Variants in ITSN2 observed in about 807,000 individuals in gnomAD.
ITSN2 encodes intersectin 2, also known as intersectin-2.
In ITSN2, 156 loss-of-function variants were observed where a neutral mutation model predicts 243.7. The ratio of observed to expected loss-of-function variants is 0.64; its 90% confidence interval spans 0.56 to 0.73. The LOEUF is 0.73. ITSN2 is among the 30% of genes least tolerant of loss of function. The pLI is 0.00. For missense variants in ITSN2, 1,801 were observed against 1,996.1 expected (o/e 0.90, Z 1.86); for synonymous variants, 703 against 699.9 (o/e 1.00, Z -0.07).
rs7602882 is a variant in ITSN2 at position 24,278,996 on chromosome 2, G to A, written c.1945-3147C>T. ...CAGAATGATAGATTATCTCTTTTACGTTAAGGAACTTCTATTACTAGTTTG... is the reference window on the plus strand; with the variant it reads ...CAGAATGATAGATTATCTCTTTTACATTAAGGAACTTCTATTACTAGTTTG... On this transcript the variant is annotated intron_variant, in intron 17 of 39. Transcript: ENST00000355123. Among the ~76,000 whole-genome samples the A allele has an allele frequency of 8.5e-4, 129 of 152,148 alleles. 1 individual carries two copies. The highest frequency in any genetic ancestry group is 2.5e-3 in the African/African-American group (104 of 41,520).
intron 4 of ITSN2, among the ~76,000 whole-genome samples, 197 bp downstream of exon 4, chr2:24,313,263 T>C (rs536632522): frequency 7.9e-5 from 12 of 151,894 alleles, no homozygotes; most frequent in Non-Finnish European, 1.8e-4. Context: ...TTTTTTTTAA[T>C]TTTCTGTAGA....
chr2:24,342,168 G>A lies in ITSN2; in HGVS notation c.-33-14053C>T, dbSNP rs541719848. ...AAGCAGAAGAAAGAGCGATTGAGAAGGTACAGATTTTCTTCTACCATTTTT... is the reference window on the plus strand; with the variant it reads ...AAGCAGAAGAAAGAGCGATTGAGAAAGTACAGATTTTCTTCTACCATTTTT... On this transcript the variant is annotated intron_variant, in intron 1 of 39. Coordinates refer to ENST00000355123, the MANE Select transcript of ITSN2 (RefSeq NM_006277.3). 4.6e-5 allele frequency among the ~76,000 whole-genome samples: 7 copies of A among 151,996 alleles called. No individual in the cohort carries two copies. In the East Asian group the frequency reaches 1.4e-3, roughly 29 times the overall value.
chr2:24,210,390 T>C (rs1013305357), intron 34 of ITSN2: 2 of 290,518 alleles, frequency 6.9e-6, no homozygotes, highest in East Asian at 7.5e-5. Context: ...GGCGGGAGGA[T>C]CACTTGACGC....
chr2:24,264,593 AT>A (rs1414923844), intron 20 of ITSN2, among the ~76,000 whole-genome samples: 3 of 52,618 alleles, frequency 5.7e-5, no homozygotes, highest in African/African-American at 1.9e-4. Flanking sequence ...ATTGAAATTC[AT>A]TTTTTTGCAT....
Position 24,303,196 on chromosome 2 carries a change from GC to G in ITSN2, c.857+602del, listed in dbSNP as rs564783919. Among the ~76,000 whole-genome samples, 8 of 152,170 alleles carry G rather than the reference GC, an allele frequency of 5.3e-5. No homozygotes were observed. In the South Asian group the frequency reaches 1.7e-3, roughly 32 times the overall value. ...AAAAAAAAAAGTTAACTGTAAGACA[GC>G]CTCAGGCAGGTCAGTCAGGAGAAAT... On this transcript the variant is annotated intron_variant, in intron 9 of 39. Coordinates refer to ENST00000355123, the MANE Select transcript of ITSN2 (RefSeq NM_006277.3).
intron 35 of ITSN2, 120 bp downstream of exon 35, chr2:24,209,698 G>T: frequency 1.3e-6 from 1 of 748,442 alleles, no homozygotes. Context: ...AAGCACGAGC[G>T]ATCTGGAACC....
In ITSN2 at chr2:24,286,235, C is replaced by A. The variant is rs1201758801; in HGVS notation, c.1840G>T (p.Asp614Tyr). The change falls in exon 16 of 40, where the codon GAT becomes TAT. Residue 614 changes from aspartate to tyrosine, a missense_variant. By Grantham distance (160) the Asp-to-Tyr change is radical. Transcript: ENST00000355123. ...KETASKLSEM[D>Y]SFNNQLKCGN... ...ACCTTTAGTTGATTGTTAAAAGAAT[C>A]CATTTCTGACAGCTTAGATGCAGTT... 2 of 1,591,024 alleles carry A rather than the reference C, an allele frequency of 1.3e-6. No individual in the cohort carries two copies. Among genetic ancestry groups the A allele is most frequent in the East Asian group, 2.3e-5 (1 of 44,424 alleles).
At chr2:24,218,905 A>G (rs1158161257) in intron 30 of ITSN2, among the ~76,000 whole-genome samples, 1 of 152,186 alleles carries the variant, frequency 6.6e-6, no homozygotes, top group Non-Finnish European at 1.5e-5. Context: ...ACATGCTGCT[A>G]TTAGAATCAC....
chr2:24,221,067 C>A lies in ITSN2; in HGVS notation c.3578-1G>T. 1.3e-6 allele frequency: 2 copies of A among 1,597,862 alleles called. No individual in the cohort carries two copies. The highest frequency in any genetic ancestry group is 1.2e-5 in the South Asian group (1 of 86,844). Reference sequence around the variant, plus strand: ...TCCAGGGTTTGCAGATCAGCACACCCTGTGGAAAAAACAGGGTAGTTTAAA... The same window carrying A: ...TCCAGGGTTTGCAGATCAGCACACCATGTGGAAAAAACAGGGTAGTTTAAA... On this transcript the variant is annotated splice_acceptor_variant, in intron 29 of 39. Coordinates refer to ENST00000355123, the MANE Select transcript of ITSN2 (RefSeq NM_006277.3). LOFTEE classifies it high-confidence loss of function.
chr2:24,264,397 A>AG (rs1395438218), intron 20 of ITSN2, among the ~76,000 whole-genome samples: 6 of 117,098 alleles, frequency 5.1e-5, no homozygotes, highest in Admixed American at 3.8e-4. Flanking sequence ...TCAAAAAAAA[A>AG]AAAGAAAGAA....
At chr2:24,293,590 TAACAG>T (rs1004868115) in intron 15 of ITSN2, 93 bp downstream of exon 15, 1 of 518,234 alleles carries the variant, frequency 1.9e-6, no homozygotes, top group African/African-American at 2.0e-5. Flanking sequence ...GTGTTATTTA[TAACAG>T]AATACTTTTT....
intron 32 of ITSN2, among the ~76,000 whole-genome samples, chr2:24,214,817 T>C (rs985412054): frequency 6.6e-6 from 1 of 152,208 alleles, no homozygotes; most frequent in African/African-American, 2.4e-5. Flanking sequence ...TCTACTCTTT[T>C]CTGATAATGA....
intron 29 of ITSN2, 79 bp from the exon 30 acceptor site, chr2:24,221,145 G>A: frequency 6.8e-7 from 1 of 1,464,720 alleles, no homozygotes; most frequent in Non-Finnish European, 9.3e-7. Context: ...CAGATGTGCT[G>A]GGTTTACAAA....
rs754963285 is a variant in ITSN2, at chr2:24,310,336, C to G, written c.601G>C (p.Gly201Arg). 1 of 1,613,650 alleles carries G rather than the reference C, an allele frequency of 6.2e-7. No homozygotes were observed. The highest frequency in any genetic ancestry group is 8.5e-7 in the Non-Finnish European group (1 of 1,179,910). The change falls in exon 7 of 40, where the codon GGA becomes CGA. Residue 201 changes from glycine to arginine, a missense_variant. Physicochemically the swap from Gly to Arg is moderately radical, Grantham distance 125. This residue lies in a region of ITSN2 where 787 missense variants were observed against 803.9 expected (regional missense o/e 0.98). Transcript: ENST00000355123. ...SSYSLMMGGFGGASIQKAQSL... is the reference protein window; with the variant it reads ...SSYSLMMGGFRGASIQKAQSL... ...TGCGCTTTCTGTATACTAGCACCTC[C>G]AAATCCTCCCATCATCAGACTATAA... is the stretch of plus-strand genomic sequence containing the variant.
At chr2:24,218,165 A>G in intron 30 of ITSN2, 152 bp from the exon 31 acceptor site, 1 of 609,750 alleles carries the variant, frequency 1.6e-6, no homozygotes, top group Admixed American at 2.8e-5. Flanking sequence ...AAGCATACTT[A>G]TGACACATTT....
At chr2:24,284,218 A>T (rs958699143) in intron 17 of ITSN2, among the ~76,000 whole-genome samples, 15 of 152,174 alleles carry the variant, frequency 9.9e-5, no homozygotes, top group African/African-American at 3.4e-4. Flanking sequence ...TAATTTAAAC[A>T]TTTTTATCTG....
At chr2:24,332,393 T>C (rs1446292717) in intron 1 of ITSN2, among the ~76,000 whole-genome samples, 2 of 152,004 alleles carry the variant, frequency 1.3e-5, no homozygotes, top group Non-Finnish European at 2.9e-5. Flanking sequence ...AGATGCTCAG[T>C]AATCACAGGC....
chr2:24,272,029 G>A, intron 18 of ITSN2, 88 bp from the exon 19 acceptor site: 1 of 1,111,514 alleles, frequency 9.0e-7, no homozygotes, highest in Admixed American at 2.9e-5. Context: ...TCCTGTCAAG[G>A]TGAAGAACTA....
At chr2:24,264,048 A>G (rs567927174) in intron 20 of ITSN2, among the ~76,000 whole-genome samples, 1 of 152,186 alleles carries the variant, frequency 6.6e-6, no homozygotes, top group Non-Finnish European at 1.5e-5. Context: ...AGAATATTCA[A>G]AGAGTTACAG....
Sources: gnomAD v4.1 joint callset for allele counts (sites outside exome capture counted in the v4.1 genomes callset) on GRCh38, gnomAD v4.1.1 for gene constraint, gnomAD v4.1.1 regional missense constraint, MANE v1.5 for transcripts, NCBI Gene and HGNC (gene_info 2026-07-23, HGNC 2026-07-21) for gene names.